IRS2: variants seen among roughly 807,000 people sequenced by gnomAD.
IRS2 encodes the protein insulin receptor substrate 2.
IRS2 carries 28 observed loss-of-function variants against 70.9 expected under a neutral mutation model. The observed-to-expected ratio is 0.39, with a 90% CI of 0.29 to 0.54. The LOEUF is 0.54. Among genes scored for constraint, IRS2 ranks in the 20% least tolerant of loss-of-function variants. IRS2 has a pLI of 0.59. For synonymous variants in IRS2, 1,217 were observed against 981.9 expected (o/e 1.24, Z -4.48); for missense variants, 2,081 against 2,024.1 (o/e 1.03, Z -0.54).
chr13:109,775,022 T>C (rs1877540874), intron 1 of IRS2, among the ~76,000 whole-genome samples: 1 of 152,306 alleles, frequency 6.6e-6, no homozygotes, highest in Admixed American at 6.5e-5. Context: ...GGCCAAAGAT[T>C]GACTTATTTA....
rs749602962 is a variant in IRS2 at position 109,785,393 on chromosome 13, G to A, written c.661C>T (p.Leu221=). The change falls in exon 1 of 2, where the codon CTG becomes TTG. Residue 221 remains leucine (L), a synonymous_variant. Transcript: ENST00000375856. The surrounding 1 kb of genome is among the most constrained non-coding windows in gnomAD (Gnocchi z 9.3). The part of the protein sequence containing the change: ...KNLTGVYRLC[L]SARTIGFVKL... ...ACGAAGCCGATGGTGCGCGCAGACA[G>A]GCACAGACGGTACACCCCCGTCAGG... 29 of 1,612,390 alleles carry A rather than the reference G, an allele frequency of 1.8e-5. No individual in the cohort carries two copies. The Admixed American group carries it at 2.3e-4, about 13-fold the overall frequency.
chr13:109,775,589 C>G (rs546884416), intron 1 of IRS2, among the ~76,000 whole-genome samples: 2 of 152,196 alleles, frequency 1.3e-5, no homozygotes, highest in African/African-American at 4.8e-5. Context: ...ATAACTGACT[C>G]AAGTATTTGT....
chr13:109,771,923 T>C (rs907235576), intron 1 of IRS2, among the ~76,000 whole-genome samples: 31 of 152,252 alleles, frequency 2.0e-4, no homozygotes, highest in African/African-American at 7.0e-4. Context: ...TAATCCTGCT[T>C]ATTGCGTGGA....
At chr13:109,774,625 C>A (rs192458111) in intron 1 of IRS2, among the ~76,000 whole-genome samples, 376 of 152,164 alleles carry the variant, frequency 2.5e-3, no homozygotes, top group Non-Finnish European at 4.2e-3. Flanking sequence ...CTAGGGATAC[C>A]AAGATGTTAT....
intron 1 of IRS2, among the ~76,000 whole-genome samples, chr13:109,757,558 T>C (rs2099435): frequency 0.87 from 132,759 of 152,194 alleles, 57,979 homozygotes; most frequent in African/African-American, 0.91. Context: ...AGGCACTACA[T>C]GCTATAGCCC....
Position 109,784,151 on chromosome 13 carries a change from T to A in IRS2, c.1903A>T (p.Ile635Phe). 6.3e-7 allele frequency: 1 copy of A among 1,592,174 alleles called. No individual in the cohort carries two copies. Among genetic ancestry groups the A allele is most frequent in the Non-Finnish European group, 8.5e-7 (1 of 1,175,304 alleles). Residue 635 changes from isoleucine to phenylalanine, a missense_variant, in exon 1 of 2, where the codon ATC becomes TTC. This residue lies in a region of IRS2 where 1,615 missense variants were observed against 1,459.5 expected (regional missense o/e 1.11). Coordinates refer to ENST00000375856, the MANE Select transcript of IRS2 (RefSeq NM_003749.3). The surrounding 1 kb of genome is among the most constrained non-coding windows in gnomAD (Gnocchi z 5.2). ...GAGCTCCTGTGGGAGCCGATCTCGA[T>A]GTCTCCGTAGTCCTCTGGGTAGGGG... The part of the protein sequence containing the change: ...YHPYPEDYGD[I>F]EIGSHRSSSS...
At chr13:109,765,274 C>T (rs532783167) in intron 1 of IRS2, among the ~76,000 whole-genome samples, 95 of 152,294 alleles carry the variant, frequency 6.2e-4, no homozygotes, top group Middle Eastern at 6.8e-3. Context: ...AAATGGAAAA[C>T]GCCAAGCTAC....
intron 1 of IRS2, among the ~76,000 whole-genome samples, chr13:109,762,648 G>A (rs902394714): frequency 7.2e-5 from 11 of 152,190 alleles, no homozygotes; most frequent in Admixed American, 5.9e-4. Flanking sequence ...GTGAGTCGAT[G>A]AGGGTGTGCT....
chr13:109,780,377 C>T (rs1196824666), intron 1 of IRS2, among the ~76,000 whole-genome samples: 1 of 152,166 alleles, frequency 6.6e-6, no homozygotes, highest in African/African-American at 2.4e-5. Flanking sequence ...TAACTCCAAC[C>T]AAAGTGACCT....
At position 109,786,099 on chromosome 13, in the gene IRS2, T is replaced by TGGGGCGA; in HGVS notation, c.-53_-47dup. On this transcript the variant is annotated 5_prime_UTR_variant, in exon 1 of 2. Transcript: ENST00000375856. This position sits in a 1 kb window ranked among gnomAD's most constrained non-coding sequence, Gnocchi z 4.4. ...CGGCCCGGGCCCGGCGCCCAGGGGT[T>TGGGGCGA]GGGGCGAGGGGCGGAGGGGGCGCGG... is the stretch of plus-strand genomic sequence containing the variant. 8.0e-6 allele frequency: 8 copies of TGGGGCGA among 999,312 alleles called. No homozygotes were observed. Among genetic ancestry groups the TGGGGCGA allele is most frequent in the Non-Finnish European group, 9.5e-6 (8 of 841,008 alleles). 61.9% of individuals were successfully genotyped at this position (999,312 alleles called of 1,614,324 possible).
Position 109,783,365 on chromosome 13 carries a change from C to A in IRS2, c.2689G>T (p.Gly897Trp). 1.3e-6 allele frequency: 2 copies of A among 1,540,280 alleles called. No homozygotes were observed. Among genetic ancestry groups the A allele is most frequent in the Non-Finnish European group, 8.7e-7 (1 of 1,153,192 alleles). ...AVRPTRLSLEGLPSLPSMHEY... is the reference protein window; with the variant it reads ...AVRPTRLSLEWLPSLPSMHEY... ...TGCATGCTGGGCAGGCTGGGCAGCC[C>A]CTCCAGGGACAGGCGCGTGGGCCTC... The change falls in exon 1 of 2, where the codon GGG becomes TGG. Residue 897 changes from glycine to tryptophan, a missense_variant. By Grantham distance (184) the Gly-to-Trp change is radical (BLOSUM62 -2). Around this residue, in one of 4 missense-constraint regions of IRS2, gnomAD observed 1,615 missense variants for 1,459.5 expected, o/e 1.11. Transcript: ENST00000375856.
rs748733303 is a variant in IRS2 at position 109,784,209 on chromosome 13, G to A, written c.1845C>T (p.Ser615=). ...CCACCTTGGGAGAGGACGCGGGGCAGGACGGGCAGAGGCGGCCCGCGCTGC... is the reference window on the plus strand; with the variant it reads ...CCACCTTGGGAGAGGACGCGGGGCAAGACGGGCAGAGGCGGCCCGCGCTGC... The part of the protein sequence containing the change: ...FSGSAGRLCP[S]CPASSPKVAY... Residue 615 remains serine, a synonymous_variant, in exon 1 of 2, where the codon TCC becomes TCT. Coordinates refer to ENST00000375856, the MANE Select transcript of IRS2 (RefSeq NM_003749.3). This position sits in a 1 kb window ranked among gnomAD's most constrained non-coding sequence, Gnocchi z 5.2. 30 of 1,573,652 alleles carry A rather than the reference G, an allele frequency of 1.9e-5. No individual in the cohort carries two copies. In the South Asian group the frequency reaches 3.3e-4, roughly 17 times the overall value.
At chr13:109,770,871 C>T (rs1877439166) in intron 1 of IRS2, among the ~76,000 whole-genome samples, 1 of 152,214 alleles carries the variant, frequency 6.6e-6, no homozygotes, top group African/African-American at 2.4e-5. Flanking sequence ...TGGCTGAAGA[C>T]CCAGTGATTC....
rs1348379967 is a variant in IRS2, at chr13:109,760,762, C to T, written c.4013-4454G>A. 2.6e-5 allele frequency among the ~76,000 whole-genome samples: 4 copies of T among 152,262 alleles called. No individual in the cohort carries two copies. The East Asian group carries it at 7.7e-4, about 29-fold the overall frequency. ...CACCTTCAAACTGCTCAACTTGACT[C>T]CCCCGAAAGAGAGAAAGGAGGAAAG... On this transcript the variant is annotated intron_variant, in intron 1 of 1. Transcript: ENST00000375856.
rs1281951948 is a variant in IRS2 at position 109,782,411 on chromosome 13, G to A, written c.3643C>T (p.Pro1215Ser). Reference protein sequence around the residue: ...RQLQPAPPLAPQGRPWTPGQP... With the variant: ...RQLQPAPPLASQGRPWTPGQP... ...CCCGGGGTCCACGGCCGGCCCTGCG[G>A]TGCCAAAGGGGGCGCCGGCTGCAAC... The change falls in exon 1 of 2, where the codon CCG (proline) becomes TCG (serine). Residue 1215 changes from proline to serine, a missense_variant. Pro to Ser is a moderately conservative substitution (Grantham distance 74). Transcript: ENST00000375856. 6 of 1,602,384 alleles carry A rather than the reference G, an allele frequency of 3.7e-6. No individual in the cohort carries two copies. Among genetic ancestry groups the A allele is most frequent in the African/African-American group, 1.3e-5 (1 of 74,626 alleles).
chr13:109,773,592 T>C (rs149448722), intron 1 of IRS2, among the ~76,000 whole-genome samples: 77 of 152,348 alleles, frequency 5.1e-4, no homozygotes, highest in African/African-American at 1.8e-3. Context: ...TTTGTTTCCT[T>C]TTCTTTGATA....
chr13:109,756,121 G>A lies in IRS2; in HGVS notation c.*183C>T. On this transcript the variant is annotated 3_prime_UTR_variant, in exon 2 of 2. Coordinates refer to ENST00000375856, the MANE Select transcript of IRS2 (RefSeq NM_003749.3). ...ATGCCCCATCCGGGAACAAGGGAAA[G>A]AGGCAGGTGACCTTGCCTTGTTGGT... 1.7e-6 allele frequency: 1 copy of A among 595,610 alleles called. No individual in the cohort carries two copies. 36.9% of individuals were successfully genotyped at this position (595,610 alleles called of 1,614,324 possible).
intron 1 of IRS2, among the ~76,000 whole-genome samples, chr13:109,767,785 C>T (rs375594576): frequency 1.4e-5 from 2 of 139,760 alleles, no homozygotes; most frequent in Admixed American, 7.7e-5. Flanking sequence ...CAGGCTGGAG[C>T]GCAGTGGTGC....
Position 109,783,210 on chromosome 13 carries a change from G to A in IRS2, c.2844C>T (p.Leu948=), listed in dbSNP as rs1056080. Residue 948 remains leucine (L), a synonymous_variant, in exon 1 of 2, where the codon CTC becomes CTT. Transcript: ENST00000375856. ...ACGAGGCCGGGCTGCTGGCGGACAA[G>A]AGCGAGGAGGACGAGGCCGCCGACG... ...LLASAASSSS[L]LSASSPASSL... 7.0e-7 allele frequency: 1 copy of A among 1,426,542 alleles called. No homozygotes were observed. The highest frequency in any genetic ancestry group is 1.4e-5 in the South Asian group (1 of 69,844). 88.4% of individuals were successfully genotyped at this position (1,426,542 alleles called of 1,614,324 possible).
Sources: allele counts gnomAD v4.1 joint callset (sites outside exome capture counted in the v4.1 genomes callset), GRCh38; gene constraint gnomAD v4.1.1; regional missense constraint gnomAD v4.1.1; non-coding constraint Gnocchi (gnomAD v3.1); transcripts MANE v1.5; gene names NCBI Gene and HGNC (gene_info 2026-07-23, HGNC 2026-07-21).